The following GALNT16 variants were observed in gnomAD, a reference collection of about 807,000 sequenced individuals.
The protein encoded by GALNT16 is polypeptide N-acetylgalactosaminyltransferase 16, also known as UDP-GalNAc:polypeptide N-acetylgalactosaminyltransferase-like protein 1.
GALNT16 carries 40 observed loss-of-function variants against 76.1 expected under a neutral mutation model. The ratio of observed to expected loss-of-function variants is 0.53; its 90% CI spans 0.41 to 0.68. The LOEUF (loss-of-function observed/expected upper bound fraction) is 0.68. Ranked by LOEUF, GALNT16 falls within the 30% of genes least tolerant of loss-of-function variation. The pLI is 0.00. For synonymous variants in GALNT16, 276 were observed against 285.2 expected, an observed-to-expected ratio of 0.97 and a Z score of 0.32; for missense variants, 621 against 731.9, an observed-to-expected ratio of 0.85 and a Z score of 1.75.
At chr14:69,275,566 A>G (rs1330656776) in intron 1 of GALNT16, among the ~76,000 whole-genome samples, 1 of 152,260 alleles carries the variant, frequency 6.6e-6, no homozygotes, top group African/African-American at 2.4e-5. Flanking sequence ...AAAGTATAAA[A>G]GTGGAACTGG....
intron 1 of GALNT16, among the ~76,000 whole-genome samples, chr14:69,272,885 G>T (rs1176139672): frequency 6.6e-6 from 1 of 152,226 alleles, no homozygotes; most frequent in Admixed American, 6.5e-5. Context: ...ATATAGCCTA[G>T]TTGTGCTGGA....
the GALNT16 span, among the ~76,000 whole-genome samples, chr14:69,381,154 G>A: frequency 6.6e-6 from 1 of 152,130 alleles, no homozygotes; most frequent in Non-Finnish European, 1.5e-5. Flanking sequence ...GGTGGTGCAC[G>A]CCTGTAGTCC....
the GALNT16 span, among the ~76,000 whole-genome samples, chr14:69,379,704 T>C: frequency 1.3e-5 from 2 of 152,150 alleles, no homozygotes; most frequent in South Asian, 4.1e-4. Flanking sequence ...TATCTTACAC[T>C]TTTTTGTGGT....
chr14:69,260,428 G>A lies in GALNT16; in HGVS notation c.138G>A (p.Arg46=). 2.5e-6 allele frequency: 4 copies of A among 1,589,528 alleles called. No homozygotes were observed. Among genetic ancestry groups the A allele is most frequent in the Non-Finnish European group, 3.4e-6 (4 of 1,167,238 alleles). The change falls in exon 1 of 15, where the codon AGG becomes AGA. Residue 46 remains arginine, a synonymous_variant. Transcript: ENST00000448469. ...GGRGAQRAGR[R]SEQLREDRTI... ...GGGGCGCGCAGAGGGCAGGCAGGAG[G>A]TCGGAGCAGCTCCGCGAGGACCGCA...
At chr14:69,316,565 G>C (rs2045103197) in intron 1 of GALNT16, among the ~76,000 whole-genome samples, 1 of 152,224 alleles carries the variant, frequency 6.6e-6, no homozygotes, top group Admixed American at 6.5e-5. Context: ...TGGTGGTTGG[G>C]GAAGGCTCAC....
chr14:69,371,463 A>G, the GALNT16 span, among the ~76,000 whole-genome samples: 2 of 151,166 alleles, frequency 1.3e-5, no homozygotes, highest in Non-Finnish European at 3.0e-5. Context: ...TCACCATGTC[A>G]GCCAGGATGG....
At chr14:69,339,212 G>A (rs1594862875) in intron 10 of GALNT16, among the ~76,000 whole-genome samples, 1 of 152,166 alleles carries the variant, frequency 6.6e-6, no homozygotes, top group East Asian at 1.9e-4. Context: ...CTCTCCTGAG[G>A]AGGTTGGCAG....
chr14:69,282,005 C>T (rs1463187138), intron 1 of GALNT16, among the ~76,000 whole-genome samples: 2 of 152,236 alleles, frequency 1.3e-5, no homozygotes, highest in African/African-American at 4.8e-5. Flanking sequence ...TATGAATTTT[C>T]ATACGTTACA....
intron 9 of GALNT16, among the ~76,000 whole-genome samples, chr14:69,334,390 C>T (rs2045392281): frequency 6.6e-6 from 1 of 152,216 alleles, no homozygotes. Context: ...GCTGGCAAGC[C>T]AGTCAACTCT....
chr14:69,320,138 G>A (rs1205727621), intron 1 of GALNT16, among the ~76,000 whole-genome samples: 1 of 152,314 alleles, frequency 6.6e-6, no homozygotes, highest in South Asian at 2.1e-4. Context: ...CTTTGGAGTC[G>A]GAATGACCAG....
chr14:69,264,819 C>CTTTTTTTA (rs2044321441), intron 1 of GALNT16, among the ~76,000 whole-genome samples: 1 of 96,600 alleles, frequency 1.0e-5, no homozygotes, highest in African/African-American at 5.1e-5. Flanking sequence ...CTTTTTCTTT[C>CTTTTTTTA]TTTTTTTTTT....
chr14:69,338,061 C>A (rs2045435366), intron 9 of GALNT16, among the ~76,000 whole-genome samples: 1 of 152,240 alleles, frequency 6.6e-6, no homozygotes, highest in Non-Finnish European at 1.5e-5. Context: ...GCTCTCCCGA[C>A]ACCACTGGGG....
intron 1 of GALNT16, among the ~76,000 whole-genome samples, chr14:69,303,143 A>G (rs1479194580): frequency 6.6e-6 from 1 of 152,206 alleles, no homozygotes; most frequent in Non-Finnish European, 1.5e-5. Flanking sequence ...TGCATTTGCC[A>G]AGTTGTTTTC....
chr14:69,302,138 T>C (rs925925839), intron 1 of GALNT16, among the ~76,000 whole-genome samples: 1 of 152,180 alleles, frequency 6.6e-6, no homozygotes, highest in Non-Finnish European at 1.5e-5. Context: ...CCTGATTTAA[T>C]AATCACAGAT....
chr14:69,262,709 A>AC (rs142797627), intron 1 of GALNT16, among the ~76,000 whole-genome samples: 82 of 150,502 alleles, frequency 5.4e-4, no homozygotes, highest in African/African-American at 1.1e-3. Context: ...ACCAGCACTG[A>AC]CCCCCCCGTC....
intron 1 of GALNT16, among the ~76,000 whole-genome samples, chr14:69,266,658 A>G (rs1370408839): frequency 1.3e-5 from 2 of 152,190 alleles, no homozygotes; most frequent in African/African-American, 2.4e-5. Flanking sequence ...AAGGCTGGCC[A>G]GGGTTTCTCT....
chr14:69,276,951 G>A (rs536169880), intron 1 of GALNT16, among the ~76,000 whole-genome samples: 1 of 152,218 alleles, frequency 6.6e-6, no homozygotes, highest in East Asian at 1.9e-4. Flanking sequence ...GTGGCACTGT[G>A]GTCACTTGCC....
rs569660741 is a variant in GALNT16, at chr14:69,330,685, G to C, written c.691-779G>C. ...AAGTTCCAGACAAGAGGATTTTGGGGGTGAAAGCAGAGTGGGGAAGGAGAA... is the reference window on the plus strand; with the variant it reads ...AAGTTCCAGACAAGAGGATTTTGGGCGTGAAAGCAGAGTGGGGAAGGAGAA... On this transcript the variant is annotated intron_variant, in intron 6 of 14. Transcript: ENST00000448469. Among the ~76,000 whole-genome samples, 4 of 152,290 alleles carry C rather than the reference G, an allele frequency of 2.6e-5. No individual in the cohort carries two copies. In the East Asian group the frequency reaches 7.7e-4, roughly 29 times the overall value.
At chr14:69,264,463 T>A (rs2044314460) in intron 1 of GALNT16, among the ~76,000 whole-genome samples, 1 of 152,200 alleles carries the variant, frequency 6.6e-6, no homozygotes, top group Non-Finnish European at 1.5e-5. Flanking sequence ...AACATGCTCC[T>A]GTCAGTGGAA....
Sources: allele counts gnomAD v4.1 joint callset (sites outside exome capture counted in the v4.1 genomes callset), GRCh38; gene constraint gnomAD v4.1.1; transcripts MANE v1.5; gene names NCBI Gene and HGNC (gene_info 2026-07-23, HGNC 2026-07-21).